Variants in FREM3 observed in about 807,000 individuals in gnomAD.
FREM3 encodes FRAS1 related extracellular matrix 3.
Under a neutral mutation model 129.1 loss-of-function variants are expected in FREM3, and 105 were observed. The observed-to-expected ratio is 0.81, with a 90% CI of 0.69 to 0.96. The LOEUF is 0.96. FREM3 is among the 40% of genes least tolerant of loss of function. The probability of loss-of-function intolerance (pLI) is 0.00; values close to 1 mark genes in which losing one functional copy is unlikely to be tolerated. For synonymous variants in FREM3, 1,014 were observed against 1,044.9 expected (o/e 0.97, Z 0.57); for missense variants, 2,593 against 2,666.3 (o/e 0.97, Z 0.61).
At chr4:143,580,819 G>T (rs940725999) in intron 7 of FREM3, among the ~76,000 whole-genome samples, 2 of 152,212 alleles carry the variant, frequency 1.3e-5, no homozygotes, top group Non-Finnish European at 2.9e-5. Flanking sequence ...AGAGCACAAA[G>T]ATTGAGAACT....
rs544940018 is a variant in FREM3, at chr4:143,679,795, C to G, written c.5275+13318G>C. On this transcript the variant is annotated intron_variant, in intron 2 of 7. Transcript: ENST00000329798. Reference sequence around the variant, plus strand: ...GGGCGAACAATTCATTTTTGTTCACCATGTATACAGGAATAAAAGAACCAA... The same window carrying G: ...GGGCGAACAATTCATTTTTGTTCACGATGTATACAGGAATAAAAGAACCAA... Among the ~76,000 whole-genome samples, 345 of 152,162 alleles carry G rather than the reference C, an allele frequency of 2.3e-3. 1 individual carries two copies. The highest frequency in any genetic ancestry group is 0.017 in the Middle Eastern group (5 of 294).
intron 2 of FREM3, among the ~76,000 whole-genome samples, chr4:143,632,947 G>C (rs2149844293): frequency 6.6e-6 from 1 of 152,306 alleles, no homozygotes; most frequent in South Asian, 2.1e-4. Context: ...GAAGGAATTA[G>C]AAAATATCAT....
At chr4:143,621,440 T>C (rs1487850151) in intron 4 of FREM3, among the ~76,000 whole-genome samples, 1 of 152,242 alleles carries the variant, frequency 6.6e-6, no homozygotes, top group Non-Finnish European at 1.5e-5. Flanking sequence ...GTCTTTTTTT[T>C]CTTCTGAGAT....
In FREM3 at chr4:143,699,515, A is replaced by C. The variant is rs761230177; in HGVS notation, c.1161T>G (p.Ile387Met). ...AGTTCTCTGCAGGGGGCTGATAGGC[A>C]ATCTTCAGCTCCCTCAGCTCCTGCT... ...FTQQELRELKIAYQPPAENSH... is the reference protein window; with the variant it reads ...FTQQELRELKMAYQPPAENSH... The change falls in exon 1 of 8, where the codon ATT becomes ATG. Residue 387 changes from isoleucine (I) to methionine (M), a missense_variant. Ile to Met is a conservative substitution (Grantham distance 10). Coordinates refer to ENST00000329798, the MANE Select transcript of FREM3 (RefSeq NM_001168235.2). The surrounding 1 kb of genome is among the most constrained non-coding windows in gnomAD (Gnocchi z 4.2). 1.1e-4 allele frequency: 175 copies of C among 1,537,100 alleles called. No individual in the cohort carries two copies. The highest frequency in any genetic ancestry group is 1.5e-4 in the Non-Finnish European group (172 of 1,146,914).
chr4:143,663,707 C>T (rs532796644), intron 2 of FREM3, among the ~76,000 whole-genome samples: 2 of 152,284 alleles, frequency 1.3e-5, no homozygotes, highest in South Asian at 2.1e-4. Flanking sequence ...TTCTACCCAT[C>T]ACTTTCAGGT....
At chr4:143,684,605 A>AC (rs921448945) in intron 2 of FREM3, among the ~76,000 whole-genome samples, 1 of 151,966 alleles carries the variant, frequency 6.6e-6, no homozygotes, top group African/African-American at 2.4e-5. Flanking sequence ...GCTCTTCAAC[A>AC]CCCCCCAAAA....
chr4:143,629,708 CAT>C (rs760606236), intron 2 of FREM3, among the ~76,000 whole-genome samples: 4 of 152,182 alleles, frequency 2.6e-5, no homozygotes, highest in Middle Eastern at 6.8e-3. Flanking sequence ...TATACTGTCA[CAT>C]GTTTTATTCT....
chr4:143,699,527 C>T lies in FREM3; in HGVS notation c.1149G>A (p.Arg383=), dbSNP rs1740651696. 1 of 1,537,144 alleles carries T rather than the reference C, an allele frequency of 6.5e-7. No homozygotes were observed. The highest frequency in any genetic ancestry group is 2.0e-5 in the Admixed American group (1 of 50,986). Residue 383 remains arginine (R), a synonymous_variant, in exon 1 of 8, where the codon AGG becomes AGA. Transcript: ENST00000329798. This position sits in a 1 kb window ranked among gnomAD's most constrained non-coding sequence, Gnocchi z 4.2. ...PVSFFTQQEL[R]ELKIAYQPPA... is the part of the protein sequence containing the mutation. The stretch of plus-strand genomic sequence containing the variant: ...GGGGCTGATAGGCAATCTTCAGCTC[C>T]CTCAGCTCCTGCTGGGTGAAGAAGG...
At chr4:143,619,169 C>T (rs1032987866) in intron 5 of FREM3, among the ~76,000 whole-genome samples, 1 of 152,146 alleles carries the variant, frequency 6.6e-6, no homozygotes, top group Non-Finnish European at 1.5e-5. Context: ...AAGCTCCAAC[C>T]TCAGATTATG....
intron 2 of FREM3, among the ~76,000 whole-genome samples, chr4:143,665,264 C>T (rs11100801): frequency 0.54 from 82,076 of 151,868 alleles, 23,265 homozygotes; most frequent in East Asian, 0.71. Flanking sequence ...TTTCTTGGGA[C>T]GCTTTCCTTG....
chr4:143,640,264 A>G (rs1739300664), intron 2 of FREM3, among the ~76,000 whole-genome samples: 1 of 152,192 alleles, frequency 6.6e-6, no homozygotes, highest in Non-Finnish European at 1.5e-5. Flanking sequence ...TCCCTAGCAC[A>G]CAAGCACAGT....
rs564504440 is a variant in FREM3 at position 143,659,766 on chromosome 4, T to C, written c.5276-32006A>G. On this transcript the variant is annotated intron_variant, in intron 2 of 7. Coordinates refer to ENST00000329798, the MANE Select transcript of FREM3 (RefSeq NM_001168235.2). ...CTGTTGTCTCCTGACTTTTTAATGA[T>C]TGCCATTCTAACTGGTGTGAGATGG... Among the ~76,000 whole-genome samples, 121 of 151,478 alleles carry C rather than the reference T, an allele frequency of 8.0e-4. 1 individual carries two copies. Among genetic ancestry groups the C allele is most frequent in the African/African-American group, 2.8e-3 (114 of 41,068 alleles).
At chr4:143,689,815 A>C (rs2149861885) in intron 2 of FREM3, among the ~76,000 whole-genome samples, 1 of 150,916 alleles carries the variant, frequency 6.6e-6, no homozygotes, top group Non-Finnish European at 1.5e-5. Flanking sequence ...TCTCACTGAT[A>C]TGTGAGAGCT....
At position 143,585,063 on chromosome 4, in the gene FREM3, A is replaced by C. The variant is rs1385997955; in HGVS notation, c.6178+781T>G. Among the ~76,000 whole-genome samples, 1 of 152,178 alleles carries C rather than the reference A, an allele frequency of 6.6e-6. No individual in the cohort carries two copies. Among genetic ancestry groups the C allele is most frequent in the Non-Finnish European group, 1.5e-5 (1 of 68,018 alleles). On this transcript the variant is annotated intron_variant, in intron 7 of 7. Coordinates refer to ENST00000329798, the MANE Select transcript of FREM3 (RefSeq NM_001168235.2). This position sits in a 1 kb window ranked among gnomAD's most constrained non-coding sequence, Gnocchi z 4.2. ...AATGTAATTAAGGCAGAAACCAAGA[A>C]ATTTTTTTGAAACTAATGAGAACAA...
At chr4:143,644,164 TC>T (rs1252307145) in intron 2 of FREM3, among the ~76,000 whole-genome samples, 1 of 146,300 alleles carries the variant, frequency 6.8e-6, no homozygotes, top group Admixed American at 7.0e-5. Flanking sequence ...CTTATTCCCC[TC>T]CTGCTCTGCA....
At position 143,611,259 on chromosome 4, in the gene FREM3, A is replaced by G. The variant is rs2149839254; in HGVS notation, c.6028+20T>C. ...GAAGGCAGCTATTGCCAAAGGTTGG[A>G]AAGCAACAAATGGACTTACCATCAT... On this transcript the variant is annotated intron_variant, in intron 6 of 7. Coordinates refer to ENST00000329798, the MANE Select transcript of FREM3 (RefSeq NM_001168235.2). 6.6e-7 allele frequency: 1 copy of G among 1,524,530 alleles called. No individual in the cohort carries two copies. Among genetic ancestry groups the G allele is most frequent in the Non-Finnish European group, 8.8e-7 (1 of 1,137,088 alleles). 94.4% of individuals were successfully genotyped at this position (1,524,530 alleles called of 1,614,324 possible).
Position 143,667,255 on chromosome 4 carries a change from T to G in FREM3, c.5275+25858A>C, listed in dbSNP as rs949474261. On this transcript the variant is annotated intron_variant, in intron 2 of 7. Coordinates refer to ENST00000329798, the MANE Select transcript of FREM3 (RefSeq NM_001168235.2). ...TTCACCACTATATTCTATATACAGATCTCTTAAATTAAGATCTATAGATTT... is the reference window on the plus strand; with the variant it reads ...TTCACCACTATATTCTATATACAGAGCTCTTAAATTAAGATCTATAGATTT... Among the ~76,000 whole-genome samples the G allele has an allele frequency of 3.9e-5, 6 of 152,314 alleles. No homozygotes were observed. The South Asian group carries it at 1.0e-3, about 26-fold the overall frequency.
At chr4:143,609,379 T>C (rs1440890859) in intron 6 of FREM3, among the ~76,000 whole-genome samples, 1 of 152,212 alleles carries the variant, frequency 6.6e-6, no homozygotes, top group Non-Finnish European at 1.5e-5. Flanking sequence ...GCTATGTGTT[T>C]ACAAATTTCA....
At chr4:143,679,108 A>G (rs1740202366) in intron 2 of FREM3, among the ~76,000 whole-genome samples, 1 of 152,188 alleles carries the variant, frequency 6.6e-6, no homozygotes, top group Non-Finnish European at 1.5e-5. Context: ...AAAAATGTTG[A>G]TAGCAGTCTT....
Sources: allele counts gnomAD v4.1 joint callset (sites outside exome capture counted in the v4.1 genomes callset), GRCh38; gene constraint gnomAD v4.1.1; non-coding constraint Gnocchi (gnomAD v3.1); transcripts MANE v1.5; gene names NCBI Gene and HGNC (gene_info 2026-07-23, HGNC 2026-07-21).